Variants in PIEZO2 observed in about 807,000 individuals in gnomAD.
PIEZO2 encodes the protein piezo type mechanosensitive ion channel component 2.
PIEZO2 carries 172 observed loss-of-function variants against 337.3 expected under a neutral mutation model. The ratio of observed to expected loss-of-function variants is 0.51; its 90% confidence interval spans 0.45 to 0.58. The LOEUF is 0.58. Among genes scored for constraint, PIEZO2 ranks in the 20% least tolerant of loss-of-function variants. PIEZO2 has a pLI of 0.00. For synonymous variants in PIEZO2, 1,251 were observed against 1,228.5 expected (o/e 1.02, Z -0.38); for missense variants, 3,028 against 3,391.3 (o/e 0.89, Z 2.66).
chr18:11,130,210 T>C (rs2040302421), intron 1 of PIEZO2, among the ~76,000 whole-genome samples: 1 of 152,248 alleles, frequency 6.6e-6, no homozygotes, highest in Admixed American at 6.5e-5. Context: ...AGAAGACACA[T>C]GGATCTTGGA....
At chr18:10,890,435 T>C (rs2042722128) in intron 4 of PIEZO2, 1 of 152,238 alleles carries the variant, frequency 6.6e-6, no homozygotes, top group Non-Finnish European at 1.5e-5. Context: ...AATAAAGACA[T>C]ACCCAATACT....
chr18:10,926,562 C>G (rs557147153), intron 3 of PIEZO2, among the ~76,000 whole-genome samples: 5 of 152,154 alleles, frequency 3.3e-5, no homozygotes, highest in Non-Finnish European at 7.3e-5. Flanking sequence ...GTAGCCCCCT[C>G]AACAATCAGA....
Position 10,744,211 on chromosome 18 carries a change from G to T in PIEZO2, c.4445C>A (p.Ala1482Asp). 6.5e-7 allele frequency: 1 copy of T among 1,536,344 alleles called. No individual in the cohort carries two copies. The highest frequency in any genetic ancestry group is 8.7e-7 in the Non-Finnish European group (1 of 1,146,144). ...TGCCTTTACAGCTTTTACAATTGTGGCCTGGAAAAGTTCAGCTCCTCTAAA... is the reference window on the plus strand; with the variant it reads ...TGCCTTTACAGCTTTTACAATTGTGTCCTGGAAAAGTTCAGCTCCTCTAAA... ...LASRGAELFQ[A>D]TIVKAVKARI... The change falls in exon 31 of 56, where the codon GCC becomes GAC. Residue 1482 changes from alanine to aspartate, a missense_variant. By Grantham distance (126) the Ala-to-Asp change is moderately radical. Coordinates refer to ENST00000674853, the MANE Select transcript of PIEZO2 (RefSeq NM_001378183.1).
chr18:10,762,917 C>G lies in PIEZO2; in HGVS notation c.3123+5G>C. The G allele has an allele frequency of 1.3e-6, 2 of 1,535,978 alleles. No homozygotes were observed. Among genetic ancestry groups the G allele is most frequent in the African/African-American group, 1.4e-5 (1 of 73,112 alleles). On this transcript the variant is annotated splice_donor_5th_base_variant and intron_variant, in intron 22 of 55. Transcript: ENST00000674853. ...CAGGAATATTCCCCCATCACCGAGG[C>G]TCACCAAGGAACAGTTAACAGAGAA...
Position 11,078,102 on chromosome 18 carries a change from C to T in PIEZO2, c.65-11880G>A, listed in dbSNP as rs866477917. Among the ~76,000 whole-genome samples the T allele has an allele frequency of 6.7e-6, 1 of 148,160 alleles. No individual in the cohort carries two copies. Among genetic ancestry groups the T allele is most frequent in the Non-Finnish European group, 1.5e-5 (1 of 67,590 alleles). Reference sequence around the variant, plus strand: ...AAAAACAAACATACACACACACAAACACATACACATATACACACCATACAC... The same window carrying T: ...AAAAACAAACATACACACACACAAATACATACACATATACACACCATACAC... On this transcript the variant is annotated intron_variant, in intron 1 of 55. Transcript: ENST00000674853. This position sits in a 1 kb window ranked among gnomAD's most constrained non-coding sequence, Gnocchi z 5.3.
Position 10,736,080 on chromosome 18 carries a change from G to GA in PIEZO2, c.4815+523dup, listed in dbSNP as rs368402524. ...TCTAAAACAGAAAGGTAGCTAAGCT[G>GA]AAAAAACCAGAACTGTGCCACATAT... On this transcript the variant is annotated intron_variant, in intron 34 of 55. Coordinates refer to ENST00000674853, the MANE Select transcript of PIEZO2 (RefSeq NM_001378183.1). 7.1e-3 allele frequency among the ~76,000 whole-genome samples: 1,084 copies of GA among 152,274 alleles called. 17 individuals are homozygous for GA. Among genetic ancestry groups the GA allele is most frequent in the African/African-American group, 0.024 (995 of 41,558 alleles).
intron 21 of PIEZO2, among the ~76,000 whole-genome samples, chr18:10,768,786 C>T (rs967143196): frequency 2.4e-4 from 36 of 152,176 alleles, no homozygotes; most frequent in African/African-American, 8.2e-4. Context: ...TCTGGGGACT[C>T]ATTAAGGATA....
intron 1 of PIEZO2, among the ~76,000 whole-genome samples, chr18:11,144,792 G>A (rs992850350): frequency 1.2e-4 from 18 of 152,154 alleles, no homozygotes; most frequent in Admixed American, 1.1e-3. Flanking sequence ...GGGCAGCCAT[G>A]ATCTCTAATC....
At position 10,878,462 on chromosome 18, in the gene PIEZO2, AT is replaced by A. The variant is rs1447241191; in HGVS notation, c.330-7048del. ...CATTGAGATCACAGAGAGTTTACAA[AT>A]AAAGTTTCAGTTATTTGCACATGCA... On this transcript the variant is annotated intron_variant, in intron 4 of 55. Transcript: ENST00000674853. This position sits in a 1 kb window ranked among gnomAD's most constrained non-coding sequence, Gnocchi z 4.3. 1.3e-5 allele frequency among the ~76,000 whole-genome samples: 2 copies of A among 152,220 alleles called. No homozygotes were observed. Among genetic ancestry groups the A allele is most frequent in the African/African-American group, 4.8e-5 (2 of 41,462 alleles).
chr18:11,073,757 G>A (rs910999731), intron 1 of PIEZO2, among the ~76,000 whole-genome samples: 1 of 151,910 alleles, frequency 6.6e-6, no homozygotes, highest in African/African-American at 2.4e-5. Flanking sequence ...TTATTTAAGT[G>A]AGTTATCTCC....
chr18:10,896,231 T>C (rs2042898357), intron 4 of PIEZO2, among the ~76,000 whole-genome samples: 1 of 152,150 alleles, frequency 6.6e-6, no homozygotes, highest in Non-Finnish European at 1.5e-5. Flanking sequence ...CAGAGCAGCC[T>C]TCATATTACC....
chr18:10,995,686 C>T (rs2035295254), intron 2 of PIEZO2, among the ~76,000 whole-genome samples: 1 of 152,192 alleles, frequency 6.6e-6, no homozygotes, highest in Non-Finnish European at 1.5e-5. Flanking sequence ...CAACTGTTAA[C>T]TGTCAGTCAA....
At chr18:11,138,950 C>T (rs1174410857) in intron 1 of PIEZO2, among the ~76,000 whole-genome samples, 3 of 152,174 alleles carry the variant, frequency 2.0e-5, no homozygotes, top group East Asian at 1.9e-4. Context: ...CAAAGCTTCT[C>T]GTAAGCTGAT....
chr18:10,824,336 G>A lies in PIEZO2; in HGVS notation c.918-17062C>T, dbSNP rs762507649. Among the ~76,000 whole-genome samples the A allele has an allele frequency of 1.3e-5, 2 of 152,128 alleles. No individual in the cohort carries two copies. The highest frequency in any genetic ancestry group is 2.9e-5 in the Non-Finnish European group (2 of 68,010). ...AGACCTTAATATTTGCAGAGCCTTG[G>A]TTTCCCATCTGCAGCTTTCTCTGCT... is the stretch of plus-strand genomic sequence containing the variant. On this transcript the variant is annotated intron_variant, in intron 7 of 55. Coordinates refer to ENST00000674853, the MANE Select transcript of PIEZO2 (RefSeq NM_001378183.1). This position sits in a 1 kb window ranked among gnomAD's most constrained non-coding sequence, Gnocchi z 4.4.
At position 11,110,202 on chromosome 18, in the gene PIEZO2, G is replaced by A. The variant is rs902581119; in HGVS notation, c.64+38323C>T. Among the ~76,000 whole-genome samples the A allele has an allele frequency of 6.6e-6, 1 of 152,124 alleles. No homozygotes were observed. The highest frequency in any genetic ancestry group is 1.5e-5 in the Non-Finnish European group (1 of 68,030). ...TAAAGTGGTGTGATCATAGCTCACT[G>A]CATCCTGGAATTCCTGGCCATCCTT... On this transcript the variant is annotated intron_variant, in intron 1 of 55. Coordinates refer to ENST00000674853, the MANE Select transcript of PIEZO2 (RefSeq NM_001378183.1). This position sits in a 1 kb window ranked among gnomAD's most constrained non-coding sequence, Gnocchi z 4.2.
At chr18:11,042,102 T>C (rs540375890) in intron 2 of PIEZO2, among the ~76,000 whole-genome samples, 57 of 152,272 alleles carry the variant, frequency 3.7e-4, no homozygotes, top group African/African-American at 1.2e-3. Context: ...CAATATGGAG[T>C]ACCTTCTAGT....
intron 21 of PIEZO2, among the ~76,000 whole-genome samples, chr18:10,765,776 G>C (rs1049935620): frequency 1.1e-4 from 17 of 151,816 alleles, no homozygotes; most frequent in Non-Finnish European, 8.8e-5. Flanking sequence ...TCACCCATGA[G>C]AGTCCAGAAC....
At position 10,943,788 on chromosome 18, in the gene PIEZO2, A is replaced by G. The variant is rs1207711903; in HGVS notation, c.287-32560T>C. 1.3e-5 allele frequency among the ~76,000 whole-genome samples: 2 copies of G among 152,124 alleles called. No individual in the cohort carries two copies. The highest frequency in any genetic ancestry group is 3.9e-4 in the East Asian group (2 of 5,188). ...ACATGGTTTAGTTCTGTGTCTCCAT[A>G]CAGAGATATGTGAGAGTTGCAGAAG... On this transcript the variant is annotated intron_variant, in intron 3 of 55. Transcript: ENST00000674853. This position sits in a 1 kb window ranked among gnomAD's most constrained non-coding sequence, Gnocchi z 4.5.
intron 7 of PIEZO2, among the ~76,000 whole-genome samples, chr18:10,823,212 T>A (rs1269966323): frequency 6.7e-6 from 1 of 148,306 alleles, no homozygotes; most frequent in Non-Finnish European, 1.5e-5. Context: ...TTTTTATTTA[T>A]GTATTAACAT....
Sources: allele counts gnomAD v4.1 joint callset (sites outside exome capture counted in the v4.1 genomes callset), GRCh38; gene constraint gnomAD v4.1.1; non-coding constraint Gnocchi (gnomAD v3.1); transcripts MANE v1.5; gene names NCBI Gene and HGNC (gene_info 2026-07-23, HGNC 2026-07-21).